Variants in CSE1L observed in about 807,000 individuals in gnomAD.
CSE1L encodes the protein exportin-2.
Under a neutral mutation model 120.4 loss-of-function variants are expected in CSE1L, and 24 were observed. The ratio of observed to expected loss-of-function variants is 0.20; its 90% CI spans 0.14 to 0.28. The LOEUF (loss-of-function observed/expected upper bound fraction) is 0.28, where lower values mean the gene tolerates loss of function less well. Among genes scored for constraint, CSE1L ranks in the 10% least tolerant of loss-of-function variants. The pLI is 1.00. For missense variants in CSE1L, 830 were observed against 1,145.2 expected (o/e 0.72, Z 3.97); for synonymous variants, 402 against 398.3 (o/e 1.01, Z -0.11).
intron 14 of CSE1L, among the ~76,000 whole-genome samples, chr20:49,081,075 C>T (rs956718121): frequency 1.3e-5 from 2 of 149,820 alleles, no homozygotes; most frequent in African/African-American, 4.9e-5. Flanking sequence ...CCTCCACCTC[C>T]CAGGTTCAAG....
At chr20:49,095,541 C>T (rs554523944) in intron 24 of CSE1L, among the ~76,000 whole-genome samples, 48 of 152,074 alleles carry the variant, frequency 3.2e-4, no homozygotes, top group Non-Finnish European at 5.4e-4. Flanking sequence ...TCTCAACCTC[C>T]TGGGCTCAAG....
Position 49,084,067 on chromosome 20 carries a change from T to G in CSE1L, c.1524T>G (p.Ile508Met). Residue 508 changes from isoleucine to methionine, a missense_variant, in exon 15 of 25, where the codon ATT becomes ATG. Coordinates refer to ENST00000262982, the MANE Select transcript of CSE1L (RefSeq NM_001316.4). Reference sequence around the variant, plus strand: ...TTTTAGTCTCGATTCCTCTCTTGATTAATCATCTTCAAGCTGAAAGTATTG... The same window carrying G: ...TTTTAGTCTCGATTCCTCTCTTGATGAATCATCTTCAAGCTGAAAGTATTG... ...EHLLVSIPLL[I>M]NHLQAESIVV... 3 of 1,613,952 alleles carry G rather than the reference T, an allele frequency of 1.9e-6. No individual in the cohort carries two copies. The highest frequency in any genetic ancestry group is 2.5e-6 in the Non-Finnish European group (3 of 1,179,840).
chr20:49,082,423 C>T (rs777412337), intron 14 of CSE1L, among the ~76,000 whole-genome samples: 3 of 151,962 alleles, frequency 2.0e-5, no homozygotes, highest in Admixed American at 1.3e-4. Context: ...GGATTACAGT[C>T]GTGATTCACC....
At chr20:49,064,015 C>T (rs2091871790) in intron 3 of CSE1L, among the ~76,000 whole-genome samples, 1 of 152,112 alleles carries the variant, frequency 6.6e-6, no homozygotes, top group African/African-American at 2.4e-5. Context: ...TGATTCTCAA[C>T]TGGGGGCAGT....
In CSE1L at chr20:49,063,161, G is replaced by T. The variant is rs750076249; in HGVS notation, c.86-41G>T. The T allele has an allele frequency of 5.1e-6, 7 of 1,367,078 alleles. No individual in the cohort carries two copies. The South Asian group carries it at 5.5e-5, about 11-fold the overall frequency. 84.7% of individuals were successfully genotyped at this position (1,367,078 alleles called of 1,614,324 possible). ...ATATTTGATATATATAAGGTGGAAA[G>T]ATTTTTATCTTAGTCTTTTAACATG... On this transcript the variant is annotated intron_variant, in intron 2 of 24. Coordinates refer to ENST00000262982, the MANE Select transcript of CSE1L (RefSeq NM_001316.4).
Position 49,078,601 on chromosome 20 carries a change from T to C in CSE1L, c.1461T>C (p.Tyr487=), listed in dbSNP as rs1441537868. 14 of 1,570,272 alleles carry C rather than the reference T, an allele frequency of 8.9e-6. No homozygotes were observed. Among genetic ancestry groups the C allele is most frequent in the Non-Finnish European group, 1.1e-5 (13 of 1,157,582 alleles). Residue 487 remains tyrosine (Y), a synonymous_variant, in exon 14 of 25, where the codon TAT becomes TAC. Coordinates refer to ENST00000262982, the MANE Select transcript of CSE1L (RefSeq NM_001316.4). ...FPVLKADGIK[Y]IMIFRNQVPK... ...TCCTTAAAGCTGACGGTATCAAATA[T>C]ATTATGATTTTTAGAAATCAAGTAA...
chr20:49,096,505 T>C lies in CSE1L; in HGVS notation c.*67T>C, dbSNP rs1209223131. ...GAAATCACAGGCTTCTGAGCACAGC[T>C]GCATTAAAACAAAGGAAGTTCTCCT... is the stretch of plus-strand genomic sequence containing the variant. On this transcript the variant is annotated 3_prime_UTR_variant, in exon 25 of 25. Transcript: ENST00000262982. The C allele has an allele frequency of 8.5e-7, 1 of 1,182,174 alleles. No homozygotes were observed. Among genetic ancestry groups the C allele is most frequent in the African/African-American group, 1.5e-5 (1 of 66,226 alleles). 73.2% of individuals were successfully genotyped at this position (1,182,174 alleles called of 1,614,324 possible). A position where few individuals can be genotyped will look rare whatever the true frequency, so the allele number is the denominator to read the frequency against.
chr20:49,087,491 G>A (rs2092069272), intron 16 of CSE1L, among the ~76,000 whole-genome samples: 1 of 151,626 alleles, frequency 6.6e-6, no homozygotes, highest in Non-Finnish European at 1.5e-5. Context: ...CCGAGTAGCT[G>A]GGACTACAGA....
At chr20:49,074,744 G>A (rs773330093) in intron 10 of CSE1L, 41 bp from the exon 11 acceptor site, 8 of 1,546,920 alleles carry the variant, frequency 5.2e-6, no homozygotes, top group Middle Eastern at 1.7e-4. Context: ...GTACAGTGAC[G>A]TCTTTTGGAG....
Position 49,070,242 on chromosome 20 carries a change from G to T in CSE1L, c.713G>T (p.Trp238Leu). Reference sequence around the variant, plus strand: ...TTTTTTGAAGATAATATGGAAACTTGGATGAATAATTTTCATACTCTCTTA... The same window carrying T: ...TTTTTTGAAGATAATATGGAAACTTTGATGAATAATTTTCATACTCTCTTA... ...PEFFEDNMET[W>L]MNNFHTLLTL... Residue 238 changes from tryptophan (W) to leucine (L), a missense_variant, in exon 8 of 25, where the codon TGG becomes TTG. Physicochemically the swap from Trp to Leu is moderately conservative, Grantham distance 61. Coordinates refer to ENST00000262982, the MANE Select transcript of CSE1L (RefSeq NM_001316.4). The T allele has an allele frequency of 6.8e-7, 1 of 1,470,126 alleles. No individual in the cohort carries two copies. The highest frequency in any genetic ancestry group is 1.2e-5 in the South Asian group (1 of 80,020). 91.1% of individuals were successfully genotyped at this position (1,470,126 alleles called of 1,614,324 possible).
intron 14 of CSE1L, among the ~76,000 whole-genome samples, chr20:49,082,920 A>G (rs574517388): frequency 8.7e-4 from 133 of 152,172 alleles, no homozygotes; most frequent in African/African-American, 3.1e-3. Flanking sequence ...TCTGGACTCA[A>G]GCGATCCTCC....
intron 12 of CSE1L, among the ~76,000 whole-genome samples, chr20:49,076,055 T>C (rs1309081297): frequency 6.6e-6 from 1 of 152,174 alleles, no homozygotes; most frequent in Non-Finnish European, 1.5e-5. Flanking sequence ...TGGTCTCAAA[T>C]TCCTGACCTC....
At chr20:49,063,377 C>G in intron 3 of CSE1L, 33 bp downstream of exon 3, 1 of 1,345,332 alleles carries the variant, frequency 7.4e-7, no homozygotes, top group Non-Finnish European at 1.0e-6. Flanking sequence ...ATTTAATACC[C>G]TGTATGTTTA....
Position 49,070,120 on chromosome 20 carries a change from G to C in CSE1L, c.676-85G>C, listed in dbSNP as rs376937088. On this transcript the variant is annotated intron_variant, in intron 7 of 24. Coordinates refer to ENST00000262982, the MANE Select transcript of CSE1L (RefSeq NM_001316.4). Reference sequence around the variant, plus strand: ...AGGCTGTGAAGCCTGTGTATAAAATGTTTTGTCCACGTGGTAAGGGAACTT... The same window carrying C: ...AGGCTGTGAAGCCTGTGTATAAAATCTTTTGTCCACGTGGTAAGGGAACTT... The C allele has an allele frequency of 2.8e-5, 18 of 647,104 alleles. 1 individual carries two copies. The highest frequency in any genetic ancestry group is 1.2e-4 in the Admixed American group (4 of 34,178). The allele number at this position is 647,104 out of a possible 1,614,324, so 40.1% of individuals were successfully genotyped here. A position where few individuals can be genotyped will look rare whatever the true frequency, so the allele number is the denominator to read the frequency against.
At chr20:49,076,938 A>G in intron 12 of CSE1L, 42 bp from the exon 13 acceptor site, 1 of 1,258,120 alleles carries the variant, frequency 7.9e-7, no homozygotes, top group Non-Finnish European at 1.1e-6. Flanking sequence ...AGATATATAC[A>G]GGTATTTTGT....
intron 1 of CSE1L, among the ~76,000 whole-genome samples, chr20:49,047,310 T>C (rs2091721821): frequency 6.6e-6 from 1 of 152,150 alleles, no homozygotes; most frequent in Non-Finnish European, 1.5e-5. Context: ...TACCGTGGTT[T>C]ACAAAGGTTC....
chr20:49,078,516 A>T, intron 13 of CSE1L, 45 bp from the exon 14 acceptor site: 1 of 1,337,686 alleles, frequency 7.5e-7, no homozygotes, highest in South Asian at 1.3e-5. Flanking sequence ...GGAAGTAATG[A>T]TCCTTACCAC....
chr20:49,060,890 T>C (rs974648800), intron 2 of CSE1L, among the ~76,000 whole-genome samples: 3 of 152,216 alleles, frequency 2.0e-5, no homozygotes, highest in African/African-American at 7.2e-5. Context: ...GCTCTTGACC[T>C]GTTTCTTCAA....
At chr20:49,075,201 T>C in intron 11 of CSE1L, 117 bp from the exon 12 acceptor site, 1 of 838,840 alleles carries the variant, frequency 1.2e-6, no homozygotes, top group Non-Finnish European at 1.8e-6. Flanking sequence ...TCGTTCTTTT[T>C]TTTCCGTTTT....
Sources: gnomAD v4.1 joint callset for allele counts (sites outside exome capture counted in the v4.1 genomes callset) on GRCh38, gnomAD v4.1.1 for gene constraint, MANE v1.5 for transcripts, NCBI Gene and HGNC (gene_info 2026-07-23, HGNC 2026-07-21) for gene names.